LGSN: variants seen among roughly 807,000 people sequenced by gnomAD.
LGSN encodes the protein lengsin, lens protein with glutamine synthetase domain, also known as lengsin.
Under a neutral mutation model 19.5 loss-of-function variants are expected in LGSN, and 21 were observed. The observed-to-expected ratio is 1.07, with a 90% CI of 0.76 to 1.55. The LOEUF is 1.55. LGSN is among the 40% of genes most tolerant of loss of function. The probability of loss-of-function intolerance (pLI) is 0.00; values close to 1 mark genes in which losing one functional copy is unlikely to be tolerated. For missense variants in LGSN, 673 were observed against 608.5 expected (o/e 1.11, Z -1.12); for synonymous variants, 257 against 215.6 (o/e 1.19, Z -1.68).
chr6:63,522,736 T>G, the LGSN span, among the ~76,000 whole-genome samples: 1 of 152,136 alleles, frequency 6.6e-6, no homozygotes, highest in Non-Finnish European at 1.5e-5. Flanking sequence ...CTTTCAACAA[T>G]AGGGGAGATA....
At chr6:63,379,763 TTTTG>T in the LGSN span, among the ~76,000 whole-genome samples, 1 of 152,182 alleles carries the variant, frequency 6.6e-6, no homozygotes, top group African/African-American at 2.4e-5. Context: ...TTTTAGTTGT[TTTTG>T]TTTTTTTACA....
intron 2 of LGSN, chr6:63,293,959 A>G: frequency 2.8e-6 from 1 of 353,478 alleles, no homozygotes; most frequent in South Asian, 2.1e-5. Flanking sequence ...TATTTCTAGC[A>G]GTGACATATT....
At chr6:63,286,575 G>A (rs1022596503) in intron 2 of LGSN, among the ~76,000 whole-genome samples, 1 of 152,168 alleles carries the variant, frequency 6.6e-6, no homozygotes, top group African/African-American at 2.4e-5. Flanking sequence ...GTCCACTGCA[G>A]AATTGAAACT....
At chr6:63,311,277 C>G (rs568411891) in intron 1 of LGSN, among the ~76,000 whole-genome samples, 82 of 152,290 alleles carry the variant, frequency 5.4e-4, no homozygotes, top group Non-Finnish European at 9.0e-4. Flanking sequence ...CAAGTAGAAA[C>G]TTTGCTGTAC....
the LGSN span, chr6:63,481,891 T>C: frequency 8.7e-3 from 1,927 of 221,288 alleles, 8 homozygotes; most frequent in Non-Finnish European, 0.012. Flanking sequence ...AAATCCATCC[T>C]GGATCACTGC....
the LGSN span, among the ~76,000 whole-genome samples, chr6:63,353,096 C>G: frequency 6.6e-6 from 1 of 152,072 alleles, no homozygotes; most frequent in Non-Finnish European, 1.5e-5. Flanking sequence ...GTCTCTGTAG[C>G]CTTTGAGCTC....
intron 1 of LGSN, among the ~76,000 whole-genome samples, chr6:63,303,088 C>G (rs1768251374): frequency 6.6e-6 from 1 of 152,022 alleles, no homozygotes; most frequent in Non-Finnish European, 1.5e-5. Context: ...AGATTGCATC[C>G]AAATTATATT....
At chr6:63,432,160 A>AGAAAGAAAGG in the LGSN span, among the ~76,000 whole-genome samples, 263 of 100,074 alleles carry the variant, frequency 2.6e-3, 5 homozygotes, top group Admixed American at 8.4e-3. Context: ...AAAGAAAGAA[A>AGAAAGAAAGG]GAAAGAAAGA....
At chr6:63,363,378 CGATCGATAA>C in the LGSN span, among the ~76,000 whole-genome samples, 3 of 151,954 alleles carry the variant, frequency 2.0e-5, no homozygotes, top group East Asian at 1.9e-4. Context: ...AGGATTCAGA[CGATCGATAA>C]TAACAAACTT....
chr6:63,293,733 A>G, intron 2 of LGSN: 1 of 456,556 alleles, frequency 2.2e-6, no homozygotes, highest in Non-Finnish European at 4.4e-6. Flanking sequence ...AGGTTTTATC[A>G]CTGTTGTCTC....
At chr6:63,442,881 G>A in the LGSN span, among the ~76,000 whole-genome samples, 1 of 152,190 alleles carries the variant, frequency 6.6e-6, no homozygotes, top group Non-Finnish European at 1.5e-5. Flanking sequence ...CCCAACTCAG[G>A]AGCCCAGCTG....
chr6:63,553,396 T>G, the LGSN span, among the ~76,000 whole-genome samples: 1 of 152,214 alleles, frequency 6.6e-6, no homozygotes, highest in East Asian at 1.9e-4. Context: ...TCCATGACTG[T>G]GTGTTCAGTA....
chr6:63,361,532 C>T, the LGSN span, among the ~76,000 whole-genome samples: 6 of 152,116 alleles, frequency 3.9e-5, no homozygotes, highest in Admixed American at 6.5e-5. Flanking sequence ...GGAAGTGACC[C>T]GATTTTCCAG....
chr6:63,353,588 C>CAAAAA, the LGSN span, among the ~76,000 whole-genome samples: 6 of 74,136 alleles, frequency 8.1e-5, no homozygotes, highest in Admixed American at 1.6e-4. Context: ...CAGTTTGTAG[C>CAAAAA]AAAAAAAAAA....
At chr6:63,365,796 T>C in the LGSN span, among the ~76,000 whole-genome samples, 2 of 152,166 alleles carry the variant, frequency 1.3e-5, no homozygotes, top group African/African-American at 2.4e-5. Context: ...TGCAAATCAA[T>C]AAATGTAATT....
At chr6:63,345,665 C>A in the LGSN span, among the ~76,000 whole-genome samples, 1 of 152,172 alleles carries the variant, frequency 6.6e-6, no homozygotes, top group Non-Finnish European at 1.5e-5. Flanking sequence ...GGTCATGCCC[C>A]TCACTTTAAG....
At chr6:63,445,444 C>T in the LGSN span, among the ~76,000 whole-genome samples, 8 of 151,994 alleles carry the variant, frequency 5.3e-5, no homozygotes, top group South Asian at 1.0e-3. Flanking sequence ...ATGGTGAAAC[C>T]CCATCTCTAA....
the LGSN span, among the ~76,000 whole-genome samples, chr6:63,494,850 C>T: frequency 1.3e-5 from 2 of 152,156 alleles, no homozygotes; most frequent in Admixed American, 1.3e-4. Context: ...AAATACTTGA[C>T]GTTCCACTAA....
chr6:63,485,939 C>T, the LGSN span, among the ~76,000 whole-genome samples: 19 of 151,956 alleles, frequency 1.3e-4, no homozygotes, highest in African/African-American at 2.9e-4. Context: ...CATGTTGGCC[C>T]GGCTGCTCTG....
Sources: gnomAD v4.1 joint callset for allele counts (sites outside exome capture counted in the v4.1 genomes callset) on GRCh38, gnomAD v4.1.1 for gene constraint, MANE v1.5 for transcripts, NCBI Gene and HGNC (gene_info 2026-07-23, HGNC 2026-07-21) for gene names.